The following C12orf42 variants were observed in gnomAD, a reference collection of about 807,000 sequenced individuals.
The protein encoded by C12orf42 is uncharacterized protein C12orf42.
A neutral mutation model predicts 21.6 loss-of-function variants in C12orf42; 25 were observed. The observed-to-expected ratio is 1.16, with a 90% CI of 0.84 to 1.62. C12orf42 has a LOEUF of 1.62. Among genes scored for constraint, C12orf42 ranks in the 40% most tolerant of loss-of-function variants. The probability of loss-of-function intolerance (pLI) is 0.00; values close to 1 mark genes in which losing one functional copy is unlikely to be tolerated. For missense variants in C12orf42, 483 were observed against 459.3 expected (o/e 1.05, Z -0.47); for synonymous variants, 174 against 175.0 (o/e 0.99, Z 0.05).
chr12:103,553,222 C>T, the C12orf42 span, among the ~76,000 whole-genome samples: 8 of 152,246 alleles, frequency 5.3e-5, no homozygotes, highest in East Asian at 1.5e-3. Context: ...CAGACATTGC[C>T]AAATATCCCC....
chr12:103,340,720 C>CAAATTGAGGATCTAGAGATG (rs1252464356), intron 4 of C12orf42, among the ~76,000 whole-genome samples: 1 of 152,010 alleles, frequency 6.6e-6, no homozygotes, highest in East Asian at 1.9e-4. Context: ...TTAAAAGACT[C>CAAATTGAGGATCTAGAGATG]AAATTGAGGA....
At chr12:103,204,828 G>T in the C12orf42 span, among the ~76,000 whole-genome samples, 1 of 151,448 alleles carries the variant, frequency 6.6e-6, no homozygotes, top group African/African-American at 2.4e-5. Flanking sequence ...AAGATGAAAA[G>T]GCAGCCATAA....
At chr12:103,430,321 T>C (rs1350726482) in intron 2 of C12orf42, among the ~76,000 whole-genome samples, 1 of 152,296 alleles carries the variant, frequency 6.6e-6, no homozygotes, top group Non-Finnish European at 1.5e-5. Flanking sequence ...CAGACACTTA[T>C]CAAAAGAAGA....
At chr12:103,080,559 G>T in the C12orf42 span, among the ~76,000 whole-genome samples, 12 of 152,084 alleles carry the variant, frequency 7.9e-5, no homozygotes, top group African/African-American at 2.9e-4. Context: ...CTAAATGGAA[G>T]AATATAATTC....
chr12:103,491,320 G>T (rs927594017), intron 1 of C12orf42, among the ~76,000 whole-genome samples: 2 of 152,012 alleles, frequency 1.3e-5, no homozygotes, highest in Non-Finnish European at 2.9e-5. Flanking sequence ...ATTCTACATA[G>T]TAGTTTTTAT....
At chr12:103,147,650 C>T in the C12orf42 span, among the ~76,000 whole-genome samples, 33,436 of 117,008 alleles carry the variant, frequency 0.29, 5,074 homozygotes, top group East Asian at 0.42. Context: ...TTGTAATGTA[C>T]GACAGTAACT....
chr12:103,269,985 G>A (rs1278807572), intron 5 of C12orf42: 1 of 152,154 alleles, frequency 6.6e-6, no homozygotes, highest in Non-Finnish European at 1.5e-5. Context: ...ATGAACATGT[G>A]TATGGTAATA....
chr12:103,418,693 G>A (rs1365623589), intron 2 of C12orf42, among the ~76,000 whole-genome samples: 2 of 151,928 alleles, frequency 1.3e-5, no homozygotes, highest in Non-Finnish European at 2.9e-5. Context: ...CAGCTACTGT[G>A]ATACAGGAAG....
At chr12:103,310,823 G>C (rs1354995489) in intron 4 of C12orf42, among the ~76,000 whole-genome samples, 1 of 152,162 alleles carries the variant, frequency 6.6e-6, no homozygotes, top group Non-Finnish European at 1.5e-5. Flanking sequence ...GACAAATTTA[G>C]CAGGCTTTCC....
intron 2 of C12orf42, among the ~76,000 whole-genome samples, chr12:103,447,291 G>T: frequency 6.6e-6 from 1 of 151,298 alleles, no homozygotes; most frequent in East Asian, 1.9e-4. Flanking sequence ...CAAGATGGAA[G>T]GTAAGGTAAT....
the C12orf42 span, among the ~76,000 whole-genome samples, chr12:103,148,120 C>G: frequency 7.9e-5 from 12 of 152,104 alleles, no homozygotes; most frequent in Admixed American, 5.2e-4. Flanking sequence ...TGAATTCACT[C>G]CATTCAATAA....
the C12orf42 span, among the ~76,000 whole-genome samples, chr12:103,535,965 G>C: frequency 1.3e-5 from 2 of 152,148 alleles, no homozygotes; most frequent in African/African-American, 2.4e-5. Flanking sequence ...ATTATTTGTA[G>C]AGATGCTCTC....
chr12:103,297,468 A>G (rs553480077), downstream of C12orf42, among the ~76,000 whole-genome samples: 137 of 152,396 alleles, frequency 9.0e-4, no homozygotes, highest in African/African-American at 2.9e-3. Flanking sequence ...TTAATAGCCT[A>G]CCAACCAAAA....
intron 9 of C12orf42, chr12:103,263,521 T>A (rs542189503): frequency 6.6e-6 from 1 of 152,158 alleles, no homozygotes; most frequent in African/African-American, 2.4e-5. Context: ...GGAGTACCCA[T>A]GAGCCCTGAA....
At chr12:103,537,794 T>G in the C12orf42 span, among the ~76,000 whole-genome samples, 1 of 152,154 alleles carries the variant, frequency 6.6e-6, no homozygotes, top group African/African-American at 2.4e-5. Flanking sequence ...ACACCAGGTC[T>G]CCCCCAACTT....
the C12orf42 span, among the ~76,000 whole-genome samples, chr12:103,082,679 GA>G: frequency 3.3e-5 from 5 of 152,068 alleles, no homozygotes; most frequent in Admixed American, 1.3e-4. Flanking sequence ...ATGTACCCTA[GA>G]ACTTAAAGTA....
At chr12:103,343,975 T>C (rs748329713) in intron 4 of C12orf42, among the ~76,000 whole-genome samples, 12 of 152,198 alleles carry the variant, frequency 7.9e-5, no homozygotes, top group Non-Finnish European at 1.6e-4. Flanking sequence ...TTAGTATATC[T>C]GTGTGCCTTG....
At chr12:103,318,644 G>T (rs1039991745) in intron 4 of C12orf42, among the ~76,000 whole-genome samples, 2 of 152,128 alleles carry the variant, frequency 1.3e-5, no homozygotes, top group African/African-American at 4.8e-5. Flanking sequence ...CATCTGAATT[G>T]CTTACAAACT....
the C12orf42 span, among the ~76,000 whole-genome samples, chr12:103,063,672 A>T: frequency 6.6e-6 from 1 of 152,254 alleles, no homozygotes. Flanking sequence ...CTCAGGAGCT[A>T]CCCGAACACC....
Sources: allele counts gnomAD v4.1 joint callset (sites outside exome capture counted in the v4.1 genomes callset), GRCh38; gene constraint gnomAD v4.1.1; transcripts MANE v1.5; gene names NCBI Gene and HGNC (gene_info 2026-07-23, HGNC 2026-07-21).